Variants in RNF213 observed in about 807,000 individuals in gnomAD.
The protein encoded by RNF213 is ring finger protein 213.
Under a neutral mutation model 514.4 loss-of-function variants are expected in RNF213, and 341 were observed. The ratio of observed to expected loss-of-function variants is 0.66; its 90% confidence interval spans 0.61 to 0.73. The LOEUF (loss-of-function observed/expected upper bound fraction) is 0.73. Ranked by LOEUF, RNF213 falls within the 30% of genes least tolerant of loss-of-function variation. The pLI is 0.00. For synonymous variants in RNF213, 2,655 were observed against 2,658.2 expected (o/e 1.00, Z 0.04); for missense variants, 5,767 against 6,615.6 (o/e 0.87, Z 4.45).
intron 42 of RNF213, among the ~76,000 whole-genome samples, chr17:80,367,131 GA>G (rs60117041): frequency 0.48 from 73,548 of 152,048 alleles, 19,357 homozygotes; most frequent in Non-Finnish European, 0.59. Context: ...ATCATGAAGA[GA>G]ATGAGTTGCA....
At position 80,332,640 on chromosome 17, in the gene RNF213, T is replaced by C. The variant is rs987367778; in HGVS notation, c.4143+9T>C. 6.8e-7 allele frequency: 1 copy of C among 1,477,698 alleles called. No homozygotes were observed. Among genetic ancestry groups the C allele is most frequent in the African/African-American group, 1.4e-5 (1 of 71,164 alleles). The allele number at this position is 1,477,698 out of a possible 1,614,324, so 91.5% of individuals were successfully genotyped here. On this transcript the variant is annotated intron_variant, in intron 21 of 67. Transcript: ENST00000582970. ...ACACTTTACTAAATTTTGTAAGTTA[T>C]TTGCTGGGGACTGTGGGGGTTTGGA...
intron 11 of RNF213, among the ~76,000 whole-genome samples, chr17:80,303,405 G>A (rs2045246058): frequency 6.6e-6 from 1 of 152,120 alleles, no homozygotes; most frequent in Non-Finnish European, 1.5e-5. Flanking sequence ...GATGCTCAGA[G>A]CCTGCCAAAT....
intron 26 of RNF213, among the ~76,000 whole-genome samples, chr17:80,342,536 T>TTTTC (rs2078183041): frequency 6.8e-6 from 1 of 146,956 alleles, no homozygotes; most frequent in African/African-American, 2.5e-5. Flanking sequence ...GACTTAATTT[T>TTTTC]TCTCTCTCTC....
Position 80,369,510 on chromosome 17 carries a change from T to C in RNF213, c.12164T>C (p.Ile4055Thr), listed in dbSNP as rs1331345603. 5 of 1,613,374 alleles carry C rather than the reference T, an allele frequency of 3.1e-6. No homozygotes were observed. Among genetic ancestry groups the C allele is most frequent in the Admixed American group, 1.7e-5 (1 of 60,012 alleles). ...PAVSQAHREA[I>T]EKHARFRQMC... ...GTTTCTCGTGTTCTAAGGGAAGCCA[T>C]TGAAAAGCATGCCCGCTTCCGGCAG... The change falls in exon 45 of 68, where the codon ATT becomes ACT. Residue 4055 changes from isoleucine to threonine, a missense_variant. Ile to Thr is a moderately conservative substitution (Grantham distance 89, BLOSUM62 -1). Transcript: ENST00000582970.
chr17:80,379,791 T>A (rs1282608391), intron 55 of RNF213, 77 bp downstream of exon 55: 1 of 1,193,422 alleles, frequency 8.4e-7, no homozygotes. Flanking sequence ...GCTGATAAAG[T>A]GATACTCAAG....
intron 9 of RNF213, 29 bp from the exon 10 acceptor site, chr17:80,295,528 C>T (rs2143396113): frequency 6.2e-7 from 1 of 1,613,688 alleles, no homozygotes; most frequent in Non-Finnish European, 8.5e-7. Context: ...GTCCATGGTT[C>T]ATGCATCTTC....
intron 40 of RNF213, 49 bp from the exon 41 acceptor site, chr17:80,363,560 C>A: frequency 6.2e-7 from 1 of 1,601,910 alleles, no homozygotes; most frequent in Non-Finnish European, 8.5e-7. Context: ...CTCTGGTGGG[C>A]CGGTGGGAGG....
In RNF213 at chr17:80,376,398, C is replaced by T. The variant is rs746110139; in HGVS notation, c.13283C>T (p.Pro4428Leu). 1 of 1,614,220 alleles carries T rather than the reference C, an allele frequency of 6.2e-7. No individual in the cohort carries two copies. The highest frequency in any genetic ancestry group is 8.5e-7 in the Non-Finnish European group (1 of 1,180,044). Residue 4428 changes from proline (P) to leucine (L), a missense_variant, in exon 52 of 68, where the codon CCA becomes CTA. Pro to Leu is a moderately conservative substitution (Grantham distance 98). This residue lies in a region of RNF213 where 1,245 missense variants were observed against 1,339.0 expected (regional missense o/e 0.93). Coordinates refer to ENST00000582970, the MANE Select transcript of RNF213 (RefSeq NM_001256071.3). ...ACATCGCTCGTGGACAATTCTGTGCCATTGTTGAGGGCGGGGCCTAGTGAC... is the reference window on the plus strand; with the variant it reads ...ACATCGCTCGTGGACAATTCTGTGCTATTGTTGAGGGCGGGGCCTAGTGAC... ...FATSLVDNSVPLLRAGPSDSN... is the reference protein window; with the variant it reads ...FATSLVDNSVLLLRAGPSDSN...
In RNF213 at chr17:80,293,064, TA is replaced by T. The variant is rs745332899; in HGVS notation, c.1471+1238del. Among the ~76,000 whole-genome samples the T allele has an allele frequency of 3.3e-5, 5 of 151,848 alleles. No homozygotes were observed. In the South Asian group the frequency reaches 6.2e-4, roughly 19 times the overall value. Reference sequence around the variant, plus strand: ...TTTCGTTTTTGTAAACATATATATATATTTTTTTTCTGAGACAGGATCTCGC... The same window carrying T: ...TTTCGTTTTTGTAAACATATATATATTTTTTTTTCTGAGACAGGATCTCGC... On this transcript the variant is annotated intron_variant, in intron 8 of 67. Transcript: ENST00000582970.
chr17:80,333,927 C>T, intron 21 of RNF213, 178 bp from the exon 22 acceptor site: 2 of 633,748 alleles, frequency 3.2e-6, no homozygotes, highest in South Asian at 1.9e-5. Context: ...GGAGAAACAG[C>T]CATGGGGGTT....
intron 2 of RNF213, among the ~76,000 whole-genome samples, chr17:80,265,065 G>A (rs2043567652): frequency 2.8e-5 from 4 of 140,970 alleles, no homozygotes; most frequent in Admixed American, 2.8e-4. Flanking sequence ...TTTTTTTAGA[G>A]GGAGTTTTTT....
rs774979776 is a variant in RNF213 at position 80,345,942 on chromosome 17, G to C, written c.7607G>C (p.Cys2536Ser). ...CGGAAGCACTCTGAGGAGATGATCT[G>C]CCGTTTGGAGTCAGCTGGTTTGGGC... Reference protein sequence around the residue: ...PYRKHSEEMICRLESAGLGYR... With the variant: ...PYRKHSEEMISRLESAGLGYR... Residue 2536 changes from cysteine to serine, a missense_variant, in exon 29 of 68, where the codon TGC becomes TCC. By Grantham distance (112) the Cys-to-Ser change is moderately radical (BLOSUM62 -1). This residue lies in a region of RNF213 where 1,377 missense variants were observed against 1,635.2 expected (regional missense o/e 0.84). Coordinates refer to ENST00000582970, the MANE Select transcript of RNF213 (RefSeq NM_001256071.3). This position sits in a 1 kb window ranked among gnomAD's most constrained non-coding sequence, Gnocchi z 6.0. 2 of 1,614,216 alleles carry C rather than the reference G, an allele frequency of 1.2e-6. No homozygotes were observed. The highest frequency in any genetic ancestry group is 4.5e-5 in the East Asian group (2 of 44,890).
chr17:80,336,448 A>G lies in RNF213; in HGVS notation c.4527+70A>G, dbSNP rs1171640929. The stretch of plus-strand genomic sequence containing the variant: ...ATTGCTTAGCAACGTTAGGGCAGTG[A>G]CTGTGGAAATGGTGGCACACCTGTG... On this transcript the variant is annotated intron_variant, in intron 23 of 67. Coordinates refer to ENST00000582970, the MANE Select transcript of RNF213 (RefSeq NM_001256071.3). 11 of 1,358,252 alleles carry G rather than the reference A, an allele frequency of 8.1e-6. No homozygotes were observed. The Admixed American group carries it at 1.2e-4, about 15-fold the overall frequency. 84.1% of individuals were successfully genotyped at this position (1,358,252 alleles called of 1,614,324 possible).
At chr17:80,357,496 T>G (rs1224645873) in intron 36 of RNF213, among the ~76,000 whole-genome samples, 1 of 152,206 alleles carries the variant, frequency 6.6e-6, no homozygotes, top group Non-Finnish European at 1.5e-5. Context: ...AACATGTGCC[T>G]TCTTGTTTAG....
rs1176638936 is a variant in RNF213, at chr17:80,382,726, A to G, written c.13979-253A>G. On this transcript the variant is annotated intron_variant, in intron 57 of 67. Coordinates refer to ENST00000582970, the MANE Select transcript of RNF213 (RefSeq NM_001256071.3). ...TGAGCTCAAGTTCTGTTCTTTCAGT[A>G]ATTTTTTTCAAAATGGGTCTAAGAT... is the stretch of plus-strand genomic sequence containing the variant. The G allele has an allele frequency of 2.0e-5, 8 of 405,980 alleles. No homozygotes were observed. The East Asian group carries it at 4.7e-4, about 24-fold the overall frequency. The allele number at this position is 405,980 out of a possible 1,614,324, so 25.1% of individuals were successfully genotyped here.
intron 42 of RNF213, 26 bp downstream of exon 42, chr17:80,364,579 C>T (rs1360301455): frequency 3.7e-6 from 6 of 1,614,036 alleles, no homozygotes; most frequent in East Asian, 2.2e-5. Context: ...GGCCTCAGCA[C>T]ATGCACGGAT....
intron 2 of RNF213, among the ~76,000 whole-genome samples, chr17:80,272,481 A>G (rs1233607755): frequency 6.6e-6 from 1 of 152,012 alleles, no homozygotes; most frequent in Non-Finnish European, 1.5e-5. Flanking sequence ...CTTCATAACA[A>G]CCCACCTGGC....
rs73442751 is a variant in RNF213, at chr17:80,389,745, A to C, written c.15196-83A>C. 0.014 allele frequency: 15,583 copies of C among 1,115,972 alleles called. 1,465 individuals carry two copies. The African/African-American group carries it at 0.21, about 15-fold the overall frequency. The allele number at this position is 1,115,972 out of a possible 1,614,324, so 69.1% of individuals were successfully genotyped here. ...AACGAAGAGAAGAATGCCTGTGTGG[A>C]GAGCACTCAGGCTCCCTGGTGCACG... On this transcript the variant is annotated intron_variant, in intron 65 of 67. Coordinates refer to ENST00000582970, the MANE Select transcript of RNF213 (RefSeq NM_001256071.3).
Position 80,336,125 on chromosome 17 carries a change from T to C in RNF213, c.4310-36T>C, listed in dbSNP as rs1000474482. 9.4e-6 allele frequency: 14 copies of C among 1,482,828 alleles called. No individual in the cohort carries two copies. In the African/African-American group the frequency reaches 1.9e-4, roughly 21 times the overall value. The allele number at this position is 1,482,828 out of a possible 1,614,324, so 91.9% of individuals were successfully genotyped here. Reference sequence around the variant, plus strand: ...GACCGAGTCTTGTGCTATCGTGGAATAGTCCCACGCTGAACTCCCCTCTTC... The same window carrying C: ...GACCGAGTCTTGTGCTATCGTGGAACAGTCCCACGCTGAACTCCCCTCTTC... On this transcript the variant is annotated intron_variant, in intron 22 of 67. Coordinates refer to ENST00000582970, the MANE Select transcript of RNF213 (RefSeq NM_001256071.3).
Sources: allele counts gnomAD v4.1 joint callset (sites outside exome capture counted in the v4.1 genomes callset), GRCh38; gene constraint gnomAD v4.1.1; regional missense constraint gnomAD v4.1.1; non-coding constraint Gnocchi (gnomAD v3.1); transcripts MANE v1.5; gene names NCBI Gene and HGNC (gene_info 2026-07-23, HGNC 2026-07-21).